CCSER1: variants seen among roughly 807,000 people sequenced by gnomAD.
The protein encoded by CCSER1 is serine-rich coiled-coil domain-containing protein 1.
A neutral mutation model predicts 82.0 loss-of-function variants in CCSER1; 41 were observed. That is an observed-to-expected ratio of 0.50 (90% CI 0.39 to 0.65). CCSER1 has a LOEUF of 0.65. Ranked by LOEUF, CCSER1 falls within the 30% of genes least tolerant of loss-of-function variation. The probability of loss-of-function intolerance (pLI) is 0.00; values close to 1 mark genes in which losing one functional copy is unlikely to be tolerated. For synonymous variants in CCSER1, 414 were observed against 383.9 expected (o/e 1.08, Z -0.92); for missense variants, 1,119 against 1,064.2 (o/e 1.05, Z -0.72).
chr4:90,761,940 A>C (rs1750471072), intron 7 of CCSER1, among the ~76,000 whole-genome samples: 1 of 152,146 alleles, frequency 6.6e-6, no homozygotes. Context: ...ACTTGAGAAT[A>C]ATCAAGAAAG....
intron 10 of CCSER1, among the ~76,000 whole-genome samples, chr4:91,225,343 A>AATATATATGATATAAT (rs1491329898): frequency 7.8e-6 from 1 of 128,702 alleles, no homozygotes; most frequent in Non-Finnish European, 1.6e-5. Flanking sequence ...TTATATATGT[A>AATATATATGATATAAT]ATATATATGT....
intron 8 of CCSER1, among the ~76,000 whole-genome samples, chr4:90,888,883 A>T (rs1265149839): frequency 6.6e-6 from 1 of 152,160 alleles, no homozygotes; most frequent in Non-Finnish European, 1.5e-5. Flanking sequence ...GGGTCAGTAG[A>T]TAGCTATCAA....
chr4:90,596,890 T>C (rs1579369044), intron 5 of CCSER1, among the ~76,000 whole-genome samples: 1 of 151,934 alleles, frequency 6.6e-6, no homozygotes, highest in East Asian at 1.9e-4. Context: ...CAGACTGAAA[T>C]AGTGAATCAT....
intron 10 of CCSER1, among the ~76,000 whole-genome samples, chr4:91,475,981 T>C (rs1757572864): frequency 1.3e-5 from 2 of 151,852 alleles, no homozygotes; most frequent in Admixed American, 1.3e-4. Flanking sequence ...ATTTCATTCT[T>C]TTTTATGATT....
chr4:91,177,525 A>C (rs952499699), intron 10 of CCSER1, among the ~76,000 whole-genome samples: 2 of 152,124 alleles, frequency 1.3e-5, no homozygotes, highest in East Asian at 3.9e-4. Flanking sequence ...CAGGGATTCA[A>C]CTTCTTCCTG....
At chr4:91,550,598 CAG>C (rs1267959536) in intron 10 of CCSER1, among the ~76,000 whole-genome samples, 10 of 152,066 alleles carry the variant, frequency 6.6e-5, no homozygotes, top group Admixed American at 5.2e-4. Context: ...GTTCAGAAAA[CAG>C]AAGTTCGTTT....
At chr4:91,541,370 C>G (rs1761587753) in intron 10 of CCSER1, among the ~76,000 whole-genome samples, 1 of 152,118 alleles carries the variant, frequency 6.6e-6, no homozygotes, top group African/African-American at 2.4e-5. Flanking sequence ...TAATGCTATC[C>G]CTCTCCCCTC....
intron 10 of CCSER1, among the ~76,000 whole-genome samples, chr4:91,178,911 T>G (rs1342474262): frequency 6.6e-6 from 1 of 152,250 alleles, no homozygotes; most frequent in Non-Finnish European, 1.5e-5. Flanking sequence ...GTTTTTACAA[T>G]TTGTCATGTT....
chr4:90,944,959 T>C (rs540941579), intron 9 of CCSER1, among the ~76,000 whole-genome samples: 1 of 152,312 alleles, frequency 6.6e-6, no homozygotes, highest in South Asian at 2.1e-4. Context: ...TCTATTATTG[T>C]GAAGAAAATG....
chr4:90,823,560 AT>A (rs1760049432), intron 8 of CCSER1, among the ~76,000 whole-genome samples: 1 of 152,110 alleles, frequency 6.6e-6, no homozygotes, highest in Admixed American at 6.5e-5. Flanking sequence ...GGAACTTGAG[AT>A]ACTTAAATTA....
intron 7 of CCSER1, among the ~76,000 whole-genome samples, chr4:90,811,979 T>TATAAACACACACACACACAC (rs1561180586): frequency 6.4e-5 from 7 of 108,596 alleles, no homozygotes; most frequent in Admixed American, 1.7e-4. Context: ...CATATATATA[T>TATAAACACACACACACACAC]ATATATATAT....
At chr4:91,328,771 A>G (rs1746740982) in intron 10 of CCSER1, among the ~76,000 whole-genome samples, 1 of 152,182 alleles carries the variant, frequency 6.6e-6, no homozygotes, top group Non-Finnish European at 1.5e-5. Context: ...AAGAGTTGAT[A>G]TGGTTTGGCT....
At chr4:90,781,389 A>T in intron 7 of CCSER1, 1 of 985,444 alleles carries the variant, frequency 1.0e-6, no homozygotes, top group Middle Eastern at 5.2e-4. Context: ...TGGGGCTTTG[A>T]GCCCCTGTCC....
At chr4:91,426,164 T>C (rs1166388109) in intron 10 of CCSER1, among the ~76,000 whole-genome samples, 1 of 152,182 alleles carries the variant, frequency 6.6e-6, no homozygotes, top group African/African-American at 2.4e-5. Context: ...TGTGATAGTT[T>C]GCTGAGAATG....
chr4:90,850,312 C>T (rs751650088), intron 8 of CCSER1, among the ~76,000 whole-genome samples: 1 of 152,196 alleles, frequency 6.6e-6, no homozygotes, highest in Non-Finnish European at 1.5e-5. Context: ...GGCTTCAACT[C>T]CACATTTCCC....
At chr4:90,861,509 A>C (rs1182768272) in intron 8 of CCSER1, among the ~76,000 whole-genome samples, 1 of 151,812 alleles carries the variant, frequency 6.6e-6, no homozygotes, top group Admixed American at 6.6e-5. Context: ...CACATTTAAG[A>C]AGCTTTGGAG....
chr4:91,572,941 C>T (rs947795869), intron 10 of CCSER1, among the ~76,000 whole-genome samples: 2 of 152,148 alleles, frequency 1.3e-5, no homozygotes, highest in African/African-American at 2.4e-5. Flanking sequence ...GTCACTCAAA[C>T]AGCAAAGATG....
At chr4:90,262,495 A>AT (rs890535424) in intron 1 of CCSER1, among the ~76,000 whole-genome samples, 2 of 152,144 alleles carry the variant, frequency 1.3e-5, no homozygotes, top group Admixed American at 6.6e-5. Flanking sequence ...CATCGTATGC[A>AT]TTTTTAAAAT....
chr4:91,060,361 C>T (rs919300874), intron 9 of CCSER1, among the ~76,000 whole-genome samples: 3 of 151,934 alleles, frequency 2.0e-5, no homozygotes, highest in Admixed American at 6.6e-5. Flanking sequence ...TGAAATCAGT[C>T]ATTTTTGAAA....
Sources: gnomAD v4.1 joint callset for allele counts (sites outside exome capture counted in the v4.1 genomes callset) on GRCh38, gnomAD v4.1.1 for gene constraint, MANE v1.5 for transcripts, NCBI Gene and HGNC (gene_info 2026-07-23, HGNC 2026-07-21) for gene names.